POLR1B: variants seen among roughly 807,000 people sequenced by gnomAD.
POLR1B encodes DNA-directed RNA polymerase I subunit RPA2.
A neutral mutation model predicts 105.8 loss-of-function variants in POLR1B; 30 were observed. The ratio of observed to expected loss-of-function variants is 0.28; its 90% confidence interval spans 0.21 to 0.38. The LOEUF (loss-of-function observed/expected upper bound fraction) is 0.38. Among genes scored for constraint, POLR1B ranks in the 10% least tolerant of loss-of-function variants. The probability of loss-of-function intolerance (pLI) is 1.00; values close to 1 mark genes in which losing one functional copy is unlikely to be tolerated. For synonymous variants in POLR1B, 485 were observed against 505.1 expected (o/e 0.96, Z 0.53); for missense variants, 976 against 1,435.8 (o/e 0.68, Z 5.17).
chr2:112,553,782 C>G (rs535426818), intron 7 of POLR1B: 19 of 152,322 alleles, frequency 1.2e-4, no homozygotes, highest in African/African-American at 4.6e-4. Flanking sequence ...CAGAGACTTG[C>G]AGGAACCCAG....
At chr2:112,567,075 C>G (rs1286001151) in intron 10 of POLR1B, among the ~76,000 whole-genome samples, 2 of 152,100 alleles carry the variant, frequency 1.3e-5, no homozygotes, top group African/African-American at 2.4e-5. Flanking sequence ...GATGAGGACA[C>G]TTAAGATCTG....
In POLR1B at chr2:112,550,895, C is replaced by T. The variant is rs754792752; in HGVS notation, c.655C>T (p.His219Tyr). ...GVSMHCVREE[H>Y]SAVNMNLHYL... The stretch of plus-strand genomic sequence containing the variant: ...TTCAATGCACTGTGTGAGGGAAGAA[C>T]ATTCCGCTGTCAATATGAACCTCCA... Residue 219 changes from histidine to tyrosine, a missense_variant, in exon 5 of 15, where the codon CAT becomes TAT. By Grantham distance (83) the His-to-Tyr change is moderately conservative. Transcript: ENST00000263331. 1.9e-6 allele frequency: 3 copies of T among 1,614,082 alleles called. No homozygotes were observed. Among genetic ancestry groups the T allele is most frequent in the East Asian group, 2.2e-5 (1 of 44,874 alleles).
chr2:112,557,874 A>G lies in POLR1B; in HGVS notation c.1159-36A>G, dbSNP rs372954869. 97 of 1,144,216 alleles carry G rather than the reference A, an allele frequency of 8.5e-5. 9 individuals are homozygous for G. The highest frequency in any genetic ancestry group is 1.6e-5 in the African/African-American group (1 of 61,954). The allele number at this position is 1,144,216 out of a possible 1,614,324, so 70.9% of individuals were successfully genotyped here. On this transcript the variant is annotated intron_variant, in intron 7 of 14. Coordinates refer to ENST00000263331, the MANE Select transcript of POLR1B (RefSeq NM_019014.6). Reference sequence around the variant, plus strand: ...ATGTGAGCCACCACACCTGGCTCACATACTATTTTATATTAATTTTTTTTC... The same window carrying G: ...ATGTGAGCCACCACACCTGGCTCACGTACTATTTTATATTAATTTTTTTTC...
At chr2:112,566,367 T>C (rs1323170192) in intron 10 of POLR1B, among the ~76,000 whole-genome samples, 1 of 152,236 alleles carries the variant, frequency 6.6e-6, no homozygotes. Context: ...ACCCACTAGT[T>C]GATGGATTAT....
At chr2:112,543,247 A>G (rs1330818099) in intron 1 of POLR1B, among the ~76,000 whole-genome samples, 1 of 152,170 alleles carries the variant, frequency 6.6e-6, no homozygotes, top group Non-Finnish European at 1.5e-5. Flanking sequence ...ATGGTGGGGG[A>G]AAGCTTCGTT....
rs748629460 is a variant in POLR1B, at chr2:112,564,405, G to A, written c.1652G>A (p.Ser551Asn). Residue 551 changes from serine to asparagine, a missense_variant, in exon 10 of 15, where the codon AGT (serine) becomes AAT (asparagine). Ser to Asn is a conservative substitution (Grantham distance 46). This residue lies in a region of POLR1B where 184 missense variants were observed against 197.4 expected (regional missense o/e 0.93). Coordinates refer to ENST00000263331, the MANE Select transcript of POLR1B (RefSeq NM_019014.6). Reference protein sequence around the residue: ...PIDGAPHRSYSECYPVLLDGV... With the variant: ...PIDGAPHRSYNECYPVLLDGV... Reference sequence around the variant, plus strand: ...GATGGAGCTCCCCACCGATCATACAGTGAGTGCTACCCTGTCCTGCTGGAC... The same window carrying A: ...GATGGAGCTCCCCACCGATCATACAATGAGTGCTACCCTGTCCTGCTGGAC... 4.3e-6 allele frequency: 7 copies of A among 1,614,232 alleles called. No individual in the cohort carries two copies. Among genetic ancestry groups the A allele is most frequent in the Non-Finnish European group, 5.1e-6 (6 of 1,180,032 alleles).
intron 10 of POLR1B, 109 bp from the exon 11 acceptor site, chr2:112,567,858 T>C: frequency 1.1e-6 from 1 of 930,344 alleles, no homozygotes; most frequent in South Asian, 1.6e-5. Flanking sequence ...GAAGTAGGGC[T>C]TTTACCATGG....
At chr2:112,560,124 GAAAA>G (rs904716273) in intron 9 of POLR1B, among the ~76,000 whole-genome samples, 1 of 145,822 alleles carries the variant, frequency 6.9e-6, no homozygotes, top group African/African-American at 2.5e-5. Context: ...TTTTCTTTGG[GAAAA>G]AAAAAAAGAT....
In POLR1B at chr2:112,551,778, C is replaced by G; in HGVS notation, c.766C>G (p.Leu256Val). ...FLPLGFALKA[L>V]VSFSDYQIFQ... ...AACCTTTTATTTTCTATTCTAGGCA[C>G]TTGTCAGCTTTTCTGATTATCAGAT... The change falls in exon 6 of 15, where the codon CTT becomes GTT. Residue 256 changes from leucine to valine, a missense_variant. Transcript: ENST00000263331. The G allele has an allele frequency of 6.2e-7, 1 of 1,612,242 alleles. No individual in the cohort carries two copies.
In POLR1B at chr2:112,575,872, T is replaced by C. The variant is rs1365365023; in HGVS notation, c.*143T>C. On this transcript the variant is annotated 3_prime_UTR_variant, in exon 15 of 15. Coordinates refer to ENST00000263331, the MANE Select transcript of POLR1B (RefSeq NM_019014.6). This position sits in a 1 kb window ranked among gnomAD's most constrained non-coding sequence, Gnocchi z 5.3. ...TCAACCAAGACCTGAAAACCAAGTA[T>C]GCAAGGTTTCTGAATCTCTCTGGTA... 1 of 818,268 alleles carries C rather than the reference T, an allele frequency of 1.2e-6. No homozygotes were observed. Among genetic ancestry groups the C allele is most frequent in the East Asian group, 2.6e-5 (1 of 38,482 alleles). 50.7% of individuals were successfully genotyped at this position (818,268 alleles called of 1,614,324 possible).
chr2:112,574,780 A>G, intron 14 of POLR1B, 67 bp from the exon 15 acceptor site: 2 of 1,349,636 alleles, frequency 1.5e-6, no homozygotes, highest in South Asian at 2.8e-5. Context: ...CACTAATTAT[A>G]TCAATGAAAC....
upstream of POLR1B, chr2:112,542,437 C>A: frequency 7.5e-6 from 10 of 1,328,578 alleles, no homozygotes; most frequent in Non-Finnish European, 1.0e-5. Flanking sequence ...CGGCGTGTAC[C>A]GAGAGACTGG....
Position 112,568,839 on chromosome 2 carries a change from G to A in POLR1B, c.2011G>A (p.Ala671Thr). ...TCCACACAGCCTGCTGAGTGTGATT[G>A]CCAACTTCATCCCTTTCTCTGATCA... is the stretch of plus-strand genomic sequence containing the variant. ...LFPHSLLSVI[A>T]NFIPFSDHNQ... Residue 671 changes from alanine (A) to threonine (T), a missense_variant, in exon 12 of 15, where the codon GCC becomes ACC. By Grantham distance (58) the Ala-to-Thr change is moderately conservative (BLOSUM62 0). Coordinates refer to ENST00000263331, the MANE Select transcript of POLR1B (RefSeq NM_019014.6). 1 of 1,614,158 alleles carries A rather than the reference G, an allele frequency of 6.2e-7. No homozygotes were observed. The highest frequency in any genetic ancestry group is 1.1e-5 in the South Asian group (1 of 91,086).
chr2:112,569,348 T>C (rs1684467499), intron 12 of POLR1B, among the ~76,000 whole-genome samples: 1 of 152,238 alleles, frequency 6.6e-6, no homozygotes, highest in Non-Finnish European at 1.5e-5. Flanking sequence ...AGCATTTTTT[T>C]ATAGTGCAGG....
rs1472674823 is a variant in POLR1B at position 112,552,700 on chromosome 2, C to G, written c.1042C>G (p.Leu348Val). 12 of 1,610,284 alleles carry G rather than the reference C, an allele frequency of 7.5e-6. No homozygotes were observed. The African/African-American group carries it at 1.1e-4, about 14-fold the overall frequency. The stretch of plus-strand genomic sequence containing the variant: ...TACTGAAAAGTTTTATATGCTTTGT[C>G]TCATGACGCGAAAGCTCTTTGCTTT... ...SNTEKFYMLC[L>V]MTRKLFALAK... Residue 348 changes from leucine (L) to valine (V), a missense_variant, in exon 7 of 15, where the codon CTC (leucine) becomes GTC (valine). Transcript: ENST00000263331.
rs770250659 is a variant in POLR1B, at chr2:112,546,969, C to A, written c.178-43C>A. On this transcript the variant is annotated intron_variant, in intron 1 of 14. Transcript: ENST00000263331. ...TTGGAAGAGTCTTAGAGAAAAAATG[C>A]CTTGGAAATGCAAGCAATTTAATAG... 1.0e-5 allele frequency: 16 copies of A among 1,596,918 alleles called. No individual in the cohort carries two copies. In the East Asian group the frequency reaches 3.6e-4, roughly 36 times the overall value.
rs751323260 is a variant in POLR1B, at chr2:112,573,666, G to C, written c.2376G>C (p.Leu792=). ...SEKIKQGDSS[L]VFGIKPGDPR... is the part of the protein sequence containing the mutation. ...AAATTAAACAAGGAGATAGTAGCCTGGTGTTTGGCATCAAACCTGGTGACC... is the reference window on the plus strand; with the variant it reads ...AAATTAAACAAGGAGATAGTAGCCTCGTGTTTGGCATCAAACCTGGTGACC... Residue 792 remains leucine, a synonymous_variant, in exon 14 of 15, where the codon CTG becomes CTC. Coordinates refer to ENST00000263331, the MANE Select transcript of POLR1B (RefSeq NM_019014.6). 63 of 1,614,076 alleles carry C rather than the reference G, an allele frequency of 3.9e-5. No homozygotes were observed. Among genetic ancestry groups the C allele is most frequent in the Non-Finnish European group, 5.3e-5 (62 of 1,180,042 alleles).
chr2:112,552,542 A>T, intron 6 of POLR1B, 103 bp from the exon 7 acceptor site: 1 of 1,233,428 alleles, frequency 8.1e-7, no homozygotes, highest in South Asian at 1.7e-5. Context: ...ATTTTATTTA[A>T]TTAAAGTTAA....
rs761913504 is a variant in POLR1B at position 112,577,357 on chromosome 2, C to A, written c.*1628C>A. Among the ~76,000 whole-genome samples the A allele has an allele frequency of 1.3e-5, 2 of 152,058 alleles. No individual in the cohort carries two copies. Among genetic ancestry groups the A allele is most frequent in the Non-Finnish European group, 2.9e-5 (2 of 68,020 alleles). On this transcript the variant is annotated 3_prime_UTR_variant, in exon 15 of 15. Coordinates refer to ENST00000263331, the MANE Select transcript of POLR1B (RefSeq NM_019014.6). ...CCTGGGAGTTCTAGACTAGCCTGGGCGAGACTTCATCTCTACAAAAAAAGC... is the reference window on the plus strand; with the variant it reads ...CCTGGGAGTTCTAGACTAGCCTGGGAGAGACTTCATCTCTACAAAAAAAGC...
Sources: allele counts gnomAD v4.1 joint callset (sites outside exome capture counted in the v4.1 genomes callset), GRCh38; gene constraint gnomAD v4.1.1; regional missense constraint gnomAD v4.1.1; non-coding constraint Gnocchi (gnomAD v3.1); transcripts MANE v1.5; gene names NCBI Gene and HGNC (gene_info 2026-07-23, HGNC 2026-07-21).